The following UBE2H variants were observed in gnomAD, a reference collection of about 807,000 sequenced individuals.
The protein encoded by UBE2H is ubiquitin-conjugating enzyme E2 H.
In UBE2H, 3 loss-of-function variants were observed where a neutral mutation model predicts 29.0. That is an observed-to-expected ratio of 0.10 (90% confidence interval 0.05 to 0.27). The LOEUF is 0.27. Among genes scored for constraint, UBE2H ranks in the 10% least tolerant of loss-of-function variants. The probability of loss-of-function intolerance (pLI) is 1.00; values close to 1 mark genes in which losing one functional copy is unlikely to be tolerated. For synonymous variants in UBE2H, 69 were observed against 82.9 expected, an observed-to-expected ratio of 0.83 and a Z score of 0.91; for missense variants, 68 against 228.2, an observed-to-expected ratio of 0.30 and a Z score of 4.52.
At chr7:129,867,733 A>C (rs1805941593) in intron 3 of UBE2H, among the ~76,000 whole-genome samples, 1 of 134,276 alleles carries the variant, frequency 7.4e-6, no homozygotes, top group African/African-American at 2.8e-5. Flanking sequence ...CCAAAAAAAA[A>C]AAAAAAAAAG....
At chr7:129,874,264 A>G (rs1318992626) in intron 3 of UBE2H, among the ~76,000 whole-genome samples, 1 of 151,196 alleles carries the variant, frequency 6.6e-6, no homozygotes, top group African/African-American at 2.4e-5. Flanking sequence ...ATGTTGCAAG[A>G]TCTTTAGTGG....
intron 3 of UBE2H, among the ~76,000 whole-genome samples, chr7:129,867,608 A>G (rs1161634755): frequency 2.8e-5 from 3 of 105,948 alleles, no homozygotes; most frequent in South Asian, 3.8e-4. Context: ...TAGATGACAC[A>G]TTAGTGGGTG....
chr7:129,912,223 G>A (rs1000953512), intron 1 of UBE2H, among the ~76,000 whole-genome samples: 5 of 152,048 alleles, frequency 3.3e-5, no homozygotes, highest in African/African-American at 1.2e-4. Flanking sequence ...TTGAATAGTT[G>A]CAAAAAAGAC....
chr7:129,831,970 C>T lies in UBE2H; in HGVS notation c.*2967G>A, dbSNP rs1177397717. 2 of 152,300 alleles carry T rather than the reference C, an allele frequency of 1.3e-5. No homozygotes were observed. The highest frequency in any genetic ancestry group is 2.9e-5 in the Non-Finnish European group (2 of 68,126). 9.4% of individuals were successfully genotyped at this position (152,300 alleles called of 1,614,324 possible). Reference sequence around the variant, plus strand: ...AGGGGAGGGAAACCGCCAGAAGTGGCTCTGACCTGCTGCCGCTGCCACCAC... The same window carrying T: ...AGGGGAGGGAAACCGCCAGAAGTGGTTCTGACCTGCTGCCGCTGCCACCAC... On this transcript the variant is annotated 3_prime_UTR_variant, in exon 7 of 7. Transcript: ENST00000355621.
intron 2 of UBE2H, 133 bp from the exon 3 acceptor site, chr7:129,879,775 C>A: frequency 1.4e-6 from 1 of 734,686 alleles, no homozygotes; most frequent in Non-Finnish European, 2.3e-6. Context: ...CAGGGACCTA[C>A]TACAATCAAT....
intron 1 of UBE2H, among the ~76,000 whole-genome samples, chr7:129,939,869 G>A (rs1409253491): frequency 6.6e-6 from 1 of 151,974 alleles, no homozygotes; most frequent in South Asian, 2.1e-4. Flanking sequence ...TGAGGCAGGA[G>A]AATCGCTTGA....
chr7:129,856,587 C>T (rs572690321), intron 5 of UBE2H, among the ~76,000 whole-genome samples: 17 of 152,236 alleles, frequency 1.1e-4, no homozygotes, highest in South Asian at 6.2e-4. Flanking sequence ...CGGAAGTATA[C>T]GGGGTAGGAG....
intron 5 of UBE2H, among the ~76,000 whole-genome samples, chr7:129,846,047 C>A (rs1805504977): frequency 6.6e-6 from 1 of 152,214 alleles, no homozygotes; most frequent in South Asian, 2.1e-4. Context: ...TGTACCAATT[C>A]TTAAAGTAAA....
intron 1 of UBE2H, among the ~76,000 whole-genome samples, chr7:129,939,238 C>T (rs1224190446): frequency 6.6e-6 from 1 of 152,192 alleles, no homozygotes; most frequent in Non-Finnish European, 1.5e-5. Context: ...TGACTATTCA[C>T]AGGCACAGTC....
intron 1 of UBE2H, among the ~76,000 whole-genome samples, chr7:129,883,249 T>C (rs1806289482): frequency 6.6e-6 from 1 of 152,210 alleles, no homozygotes; most frequent in Non-Finnish European, 1.5e-5. Context: ...AAATTTCACT[T>C]ATATGAAGTT....
chr7:129,865,129 A>C (rs1805878072), intron 3 of UBE2H: 1 of 394,004 alleles, frequency 2.5e-6, no homozygotes, highest in Non-Finnish European at 5.0e-6. Context: ...AAAAATAAAA[A>C]GTACAGATTA....
At chr7:129,938,572 G>A (rs1326719778) in intron 1 of UBE2H, among the ~76,000 whole-genome samples, 2 of 150,468 alleles carry the variant, frequency 1.3e-5, no homozygotes, top group Non-Finnish European at 3.0e-5. Context: ...AATTAGCTGG[G>A]CATGGTGGCA....
chr7:129,952,338 G>C (rs1807894762), intron 1 of UBE2H, among the ~76,000 whole-genome samples, 165 bp downstream of exon 1: 2 of 152,070 alleles, frequency 1.3e-5, no homozygotes, highest in African/African-American at 4.8e-5. Flanking sequence ...AAAGGCTCTC[G>C]GCCCCTGGGA....
At chr7:129,843,584 T>A (rs1215991504) in intron 5 of UBE2H, among the ~76,000 whole-genome samples, 1 of 152,112 alleles carries the variant, frequency 6.6e-6, no homozygotes, top group Non-Finnish European at 1.5e-5. Context: ...TGGGTCAAAA[T>A]CGCATACCAT....
chr7:129,899,253 A>T (rs895116315), intron 1 of UBE2H, among the ~76,000 whole-genome samples: 2 of 152,166 alleles, frequency 1.3e-5, no homozygotes, highest in Non-Finnish European at 2.9e-5. Flanking sequence ...TGGAACTTCT[A>T]TTCAAAGGGC....
chr7:129,916,474 TA>T (rs3043708), intron 1 of UBE2H, among the ~76,000 whole-genome samples: 34,962 of 138,714 alleles, frequency 0.25, 4,298 homozygotes, highest in Admixed American at 0.31. Context: ...TTCTAACAAT[TA>T]AAAAAAAAAA....
At chr7:129,941,815 A>T (rs1306651161) in intron 1 of UBE2H, among the ~76,000 whole-genome samples, 1 of 152,160 alleles carries the variant, frequency 6.6e-6, no homozygotes, top group East Asian at 1.9e-4. Context: ...ATGTAACAAC[A>T]ACTATTACAA....
intron 1 of UBE2H, among the ~76,000 whole-genome samples, chr7:129,940,233 T>A (rs1807614458): frequency 6.6e-6 from 1 of 152,192 alleles, no homozygotes; most frequent in African/African-American, 2.4e-5. Flanking sequence ...AGGAAATGCA[T>A]AATTCACAAC....
intron 1 of UBE2H, among the ~76,000 whole-genome samples, chr7:129,911,187 AC>A (rs1040528810): frequency 6.6e-6 from 1 of 151,972 alleles, no homozygotes; most frequent in African/African-American, 2.4e-5. Flanking sequence ...ACACGGTGGA[AC>A]CCTGTCTCTA....
Sources: allele counts gnomAD v4.1 joint callset (sites outside exome capture counted in the v4.1 genomes callset), GRCh38; gene constraint gnomAD v4.1.1; transcripts MANE v1.5; gene names NCBI Gene and HGNC (gene_info 2026-07-23, HGNC 2026-07-21).